The following RIMBP2 variants were observed in gnomAD, a reference collection of about 807,000 sequenced individuals.
The protein encoded by RIMBP2 is RIMS binding protein 2.
A neutral mutation model predicts 118.6 loss-of-function variants in RIMBP2; 48 were observed. That is an observed-to-expected ratio of 0.40 (90% CI 0.32 to 0.51). The LOEUF is 0.51. Among genes scored for constraint, RIMBP2 ranks in the 20% least tolerant of loss-of-function variants. RIMBP2 has a pLI of 0.41. For synonymous variants in RIMBP2, 762 were observed against 742.9 expected (o/e 1.03, Z -0.42); for missense variants, 1,551 against 1,768.3 (o/e 0.88, Z 2.20).
At chr12:130,535,217 A>T (rs2139423523) in intron 2 of RIMBP2, among the ~76,000 whole-genome samples, 1 of 152,070 alleles carries the variant, frequency 6.6e-6, no homozygotes, top group Non-Finnish European at 1.5e-5. Flanking sequence ...AACCTTAATC[A>T]GCTGGGTGCA....
intron 1 of RIMBP2, among the ~76,000 whole-genome samples, chr12:130,714,907 T>C (rs1488524266): frequency 6.6e-6 from 1 of 152,060 alleles, no homozygotes; most frequent in East Asian, 1.9e-4. Context: ...GGAGGGGCCA[T>C]GTGCGTGGGG....
rs1448160455 is a variant in RIMBP2 at position 130,442,669 on chromosome 12, T to C, written c.692-9A>G. 3 of 1,609,758 alleles carry C rather than the reference T, an allele frequency of 1.9e-6. No homozygotes were observed. The East Asian group carries it at 6.7e-5, about 36-fold the overall frequency. On this transcript the variant is annotated splice_polypyrimidine_tract_variant and intron_variant, in intron 10 of 22. Transcript: ENST00000690449. This position sits in a 1 kb window ranked among gnomAD's most constrained non-coding sequence, Gnocchi z 6.9. ...GCCATCGAGGAGCTCTCCTGTTGGG[T>C]ACAAGGACAGAGTTATCACCCAGCC...
chr12:130,407,351 A>T (rs144019904), intron 20 of RIMBP2, among the ~76,000 whole-genome samples: 15 of 152,104 alleles, frequency 9.9e-5, no homozygotes. Context: ...CTACTGTTCT[A>T]TGTGTGGGGC....
Position 130,559,784 on chromosome 12 carries a change from C to T in RIMBP2, c.-216-41867G>A, listed in dbSNP as rs528207066. Among the ~76,000 whole-genome samples, 6 of 152,320 alleles carry T rather than the reference C, an allele frequency of 3.9e-5. No homozygotes were observed. The South Asian group carries it at 8.3e-4, about 21-fold the overall frequency. On this transcript the variant is annotated intron_variant, in intron 2 of 22. Transcript: ENST00000690449. Reference sequence around the variant, plus strand: ...GGAAGCCACACCATGACTGTGTCAACCTGGGAGCTAGCAGGTATTTAGATC... The same window carrying T: ...GGAAGCCACACCATGACTGTGTCAATCTGGGAGCTAGCAGGTATTTAGATC...
intron 4 of RIMBP2, among the ~76,000 whole-genome samples, chr12:130,484,599 G>A (rs1238540106): frequency 6.6e-6 from 1 of 152,206 alleles, no homozygotes; most frequent in East Asian, 1.9e-4. Flanking sequence ...GGGTCACTCG[G>A]CACAGATGCC....
chr12:130,438,608 G>C, intron 11 of RIMBP2, 92 bp from the exon 12 acceptor site: 1 of 1,032,004 alleles, frequency 9.7e-7, no homozygotes, highest in Non-Finnish European at 1.3e-6. Flanking sequence ...CTGGAAACGA[G>C]ATCATTCGGT....
chr12:130,646,070 T>TCCCTCA (rs2062877472), intron 1 of RIMBP2, among the ~76,000 whole-genome samples: 1 of 89,638 alleles, frequency 1.1e-5, no homozygotes, highest in East Asian at 3.7e-4. Flanking sequence ...CACCTGCCTC[T>TCCCTCA]CCACCTCCCT....
chr12:130,409,476 G>A (rs1252325816), intron 19 of RIMBP2, among the ~76,000 whole-genome samples: 3 of 151,456 alleles, frequency 2.0e-5, no homozygotes, highest in Non-Finnish European at 2.9e-5. Flanking sequence ...CTGAGTAGCT[G>A]GGACTGCAGG....
At chr12:130,630,773 C>G (rs1018374755) in intron 1 of RIMBP2, among the ~76,000 whole-genome samples, 4 of 152,162 alleles carry the variant, frequency 2.6e-5, no homozygotes, top group African/African-American at 9.7e-5. Context: ...AACAGAATGT[C>G]TTTAAAATTC....
chr12:130,414,874 C>T (rs2076008904), intron 17 of RIMBP2, among the ~76,000 whole-genome samples: 1 of 152,174 alleles, frequency 6.6e-6, no homozygotes. Flanking sequence ...GGATACATTC[C>T]TAGACACACA....
intron 1 of RIMBP2, among the ~76,000 whole-genome samples, chr12:130,643,324 C>A (rs1438779888): frequency 1.3e-5 from 2 of 152,228 alleles, no homozygotes; most frequent in Non-Finnish European, 2.9e-5. Context: ...CATATGTCTC[C>A]TGTGTCAGGG....
chr12:130,624,966 G>A (rs1193466017), intron 2 of RIMBP2, among the ~76,000 whole-genome samples: 2 of 152,068 alleles, frequency 1.3e-5, no homozygotes, highest in African/African-American at 4.8e-5. Flanking sequence ...CTTGTGATCC[G>A]CCCACGTCGG....
intron 3 of RIMBP2, among the ~76,000 whole-genome samples, chr12:130,512,685 C>T (rs1415963109): frequency 6.6e-6 from 1 of 152,188 alleles, no homozygotes; most frequent in African/African-American, 2.4e-5. Flanking sequence ...AGGGCCAAAT[C>T]AGTCTCCTAC....
chr12:130,468,496 C>A (rs1486477348), intron 6 of RIMBP2, among the ~76,000 whole-genome samples: 3 of 152,000 alleles, frequency 2.0e-5, no homozygotes, highest in African/African-American at 7.2e-5. Context: ...CCGTTCCTTC[C>A]ACGAACTCAC....
chr12:130,414,829 G>C (rs767488615), intron 17 of RIMBP2: 1 of 152,858 alleles, frequency 6.5e-6, no homozygotes, highest in Non-Finnish European at 1.5e-5. Context: ...ATACCACCCA[G>C]CTTCCAAAAG....
rs115984489 is a variant in RIMBP2, at chr12:130,694,680, A to G, written c.-352+21542T>C. ...GCTTCCCTGGACTGGCTTAGTCCCC[A>G]CTGCGGCAACTTTCCTTGCAGTTGT... is the stretch of plus-strand genomic sequence containing the variant. On this transcript the variant is annotated intron_variant, in intron 1 of 22. Transcript: ENST00000690449. 4.5e-3 allele frequency among the ~76,000 whole-genome samples: 689 copies of G among 152,272 alleles called. 7 individuals carry two copies. The highest frequency in any genetic ancestry group is 0.016 in the African/African-American group (656 of 41,540).
intron 2 of RIMBP2, among the ~76,000 whole-genome samples, chr12:130,567,431 G>A (rs2057299508): frequency 6.6e-6 from 1 of 152,182 alleles, no homozygotes; most frequent in African/African-American, 2.4e-5. Flanking sequence ...GCGCTCATGT[G>A]CACTCTGATG....
chr12:130,414,966 A>G (rs1458424331), intron 17 of RIMBP2, among the ~76,000 whole-genome samples: 2 of 152,320 alleles, frequency 1.3e-5, no homozygotes, highest in Non-Finnish European at 2.9e-5. Flanking sequence ...GCTGAATTCT[A>G]CCAACATACA....
chr12:130,493,080 T>C (rs1233743210), intron 4 of RIMBP2, among the ~76,000 whole-genome samples: 1 of 152,086 alleles, frequency 6.6e-6, no homozygotes, highest in African/African-American at 2.4e-5. Context: ...GAGGCTGCAG[T>C]GAGCCTAGAT....
Sources: allele counts gnomAD v4.1 joint callset (sites outside exome capture counted in the v4.1 genomes callset), GRCh38; gene constraint gnomAD v4.1.1; non-coding constraint Gnocchi (gnomAD v3.1); transcripts MANE v1.5; gene names NCBI Gene and HGNC (gene_info 2026-07-23, HGNC 2026-07-21).